GARIN5B: variants seen among roughly 807,000 people sequenced by gnomAD.
The protein encoded by GARIN5B is golgi associated RAB2 interactor family member 5B, also known as Golgi-associated RAB2 interactor protein 5B.
chr19:55,360,845 G>C, the GARIN5B span: 2 of 1,549,090 alleles, frequency 1.3e-6, no homozygotes, highest in African/African-American at 1.4e-5. Flanking sequence ...GGGGTGGGTT[G>C]ATCTTACCAG....
the GARIN5B span, chr19:55,360,042 G>A: frequency 6.8e-7 from 1 of 1,467,864 alleles, no homozygotes; most frequent in South Asian, 1.4e-5. Context: ...AGACCCGGGA[G>A]GGCAGACCCC....
At chr19:55,363,146 T>C in the GARIN5B span, 1 of 1,373,478 alleles carries the variant, frequency 7.3e-7, no homozygotes, top group Non-Finnish European at 9.5e-7. This position sits in a 1 kb window ranked among gnomAD's most constrained non-coding sequence, Gnocchi z 4.0. Context: ...CCACCAGCCT[T>C]GACCCGTGGG....
the GARIN5B span, chr19:55,358,757 G>A: frequency 1.1e-5 from 17 of 1,549,428 alleles, 1 homozygote; most frequent in East Asian, 1.5e-4. Context: ...GGAGTTGGCC[G>A]TGATCATGAG....
the GARIN5B span, among the ~76,000 whole-genome samples, chr19:55,356,369 C>T: frequency 2.0e-5 from 3 of 151,692 alleles, no homozygotes; most frequent in Non-Finnish European, 2.9e-5. Context: ...GGCACCATGC[C>T]TAGTTAACTT....
At chr19:55,360,128 GC>G in the GARIN5B span, 1 of 553,346 alleles carries the variant, frequency 1.8e-6, no homozygotes, top group Non-Finnish European at 3.1e-6. Context: ...CAGGCCCCCA[GC>G]CCCTCCTCCC....
the GARIN5B span, chr19:55,362,492 A>G: frequency 7.6e-7 from 1 of 1,311,836 alleles, no homozygotes; most frequent in Non-Finnish European, 1.0e-6. Flanking sequence ...GACGAGGTCC[A>G]GGGGGATCAT....
the GARIN5B span, chr19:55,363,062 A>C: frequency 6.7e-7 from 1 of 1,496,146 alleles, no homozygotes; most frequent in Non-Finnish European, 8.9e-7. The surrounding 1 kb of genome is among the most constrained non-coding windows in gnomAD (Gnocchi z 4.0). Flanking sequence ...TCGAAGCCAG[A>C]TCATGGTGGC....
chr19:55,360,037 C>T, the GARIN5B span: 7 of 1,476,656 alleles, frequency 4.7e-6, no homozygotes, highest in South Asian at 1.4e-5. Context: ...ACCCCAGACC[C>T]GGGAGGGCAG....
chr19:55,355,943 C>T, the GARIN5B span, among the ~76,000 whole-genome samples: 1 of 148,630 alleles, frequency 6.7e-6, no homozygotes, highest in Non-Finnish European at 1.5e-5. Context: ...GCTGTGATGG[C>T]ATCACTGCAC....
At chr19:55,362,362 C>G in the GARIN5B span, 2 of 1,550,570 alleles carry the variant, frequency 1.3e-6, no homozygotes, top group Non-Finnish European at 8.7e-7. Context: ...TGAGGCGGAC[C>G]CAGCAGTGGA....
the GARIN5B span, chr19:55,355,234 C>A: frequency 9.1e-7 from 1 of 1,096,954 alleles, no homozygotes. Flanking sequence ...AGGTCTAAGG[C>A]AGATCTCCAG....
the GARIN5B span, chr19:55,358,401 G>A: frequency 6.0e-6 from 9 of 1,505,704 alleles, no homozygotes; most frequent in Non-Finnish European, 8.0e-6. Flanking sequence ...TCCTCCCACG[G>A]TGAGGCGGTC....
the GARIN5B span, chr19:55,359,122 A>G: frequency 1.0e-5 from 16 of 1,551,108 alleles, no homozygotes; most frequent in Non-Finnish European, 1.4e-5. Flanking sequence ...GTTTCCCTCC[A>G]GACTGGCTTC....
the GARIN5B span, chr19:55,361,136 G>A: frequency 2.6e-6 from 4 of 1,551,188 alleles, no homozygotes; most frequent in East Asian, 2.4e-5. Context: ...GGTTAGACAG[G>A]GGCAGCCCCT....
chr19:55,359,481 G>T, the GARIN5B span: 1 of 1,548,046 alleles, frequency 6.5e-7, no homozygotes. Context: ...GGTACGGCTG[G>T]GGCCTTCTGG....
the GARIN5B span, chr19:55,360,824 T>C: frequency 1.9e-6 from 3 of 1,550,130 alleles, no homozygotes; most frequent in Non-Finnish European, 2.6e-6. Flanking sequence ...CCACACACTG[T>C]GGCAAGGGGT....
chr19:55,362,218 C>T, the GARIN5B span: 16 of 1,500,436 alleles, frequency 1.1e-5, no homozygotes, highest in Non-Finnish European at 1.3e-5. Context: ...GCCTGCCATG[C>T]CCTGGTCTGT....
chr19:55,362,114 C>G, the GARIN5B span: 1 of 1,267,240 alleles, frequency 7.9e-7, no homozygotes, highest in Non-Finnish European at 1.0e-6. Flanking sequence ...AGGCCCCCAG[C>G]CCCTCCTCCC....
At chr19:55,361,783 C>G in the GARIN5B span, among the ~76,000 whole-genome samples, 4,314 of 32,792 alleles carry the variant, frequency 0.13, 1,455 homozygotes, top group African/African-American at 0.19. Flanking sequence ...GGAGTCCAGA[C>G]CCCACAGCCC....
Sources: gnomAD v4.1 joint callset for allele counts (sites outside exome capture counted in the v4.1 genomes callset) on GRCh38, gnomAD v4.1.1 for gene constraint, Gnocchi (gnomAD v3.1) non-coding constraint, MANE v1.5 for transcripts, NCBI Gene and HGNC (gene_info 2026-07-23, HGNC 2026-07-21) for gene names.